ZNF106: variants seen among roughly 807,000 people sequenced by gnomAD.
ZNF106 encodes zinc finger protein 106.
A neutral mutation model predicts 195.1 loss-of-function variants in ZNF106; 67 were observed. The ratio of observed to expected loss-of-function variants is 0.34; its 90% CI spans 0.28 to 0.42. ZNF106 has a LOEUF of 0.42. Ranked by LOEUF, ZNF106 falls within the 10% of genes least tolerant of loss-of-function variation. ZNF106 has a pLI of 1.00. For synonymous variants in ZNF106, 784 were observed against 818.6 expected, an observed-to-expected ratio of 0.96 and a Z score of 0.72; for missense variants, 2,118 against 2,304.5, an observed-to-expected ratio of 0.92 and a Z score of 1.66.
chr15:42,435,535 G>A lies in ZNF106; in HGVS notation c.4747-17C>T. Reference sequence around the variant, plus strand: ...TTTCCGACTCTAAAGTTTAAGCACAGACCAGATTATTACTTATGAGATATA... The same window carrying A: ...TTTCCGACTCTAAAGTTTAAGCACAAACCAGATTATTACTTATGAGATATA... On this transcript the variant is annotated splice_polypyrimidine_tract_variant and intron_variant, in intron 13 of 21. Transcript: ENST00000564754. The A allele has an allele frequency of 1.2e-6, 2 of 1,614,006 alleles. No homozygotes were observed. The highest frequency in any genetic ancestry group is 1.7e-6 in the Non-Finnish European group (2 of 1,179,930).
intron 1 of ZNF106, among the ~76,000 whole-genome samples, chr15:42,473,950 T>G (rs2056731772): frequency 6.6e-6 from 1 of 152,158 alleles, no homozygotes; most frequent in African/African-American, 2.4e-5. Flanking sequence ...CCAGCCACCG[T>G]GCTGTGAGAA....
intron 15 of ZNF106, 27 bp downstream of exon 15, chr15:42,427,991 T>A (rs1319629852): frequency 1.3e-5 from 21 of 1,583,396 alleles, no homozygotes; most frequent in Non-Finnish European, 1.7e-5. Flanking sequence ...GCATGGGAAG[T>A]AAGCCTTTTC....
chr15:42,421,245 A>C, intron 19 of ZNF106, 113 bp from the exon 20 acceptor site: 11 of 904,060 alleles, frequency 1.2e-5, no homozygotes, highest in African/African-American at 1.6e-5. Flanking sequence ...AAACACCTAA[A>C]TCAAAACCAG....
At chr15:42,477,760 A>G (rs115642923) in intron 1 of ZNF106, among the ~76,000 whole-genome samples, 2,077 of 151,926 alleles carry the variant, frequency 0.014, 57 homozygotes, top group African/African-American at 0.048. Flanking sequence ...CTTGATGGCA[A>G]GCACCTGTAA....
rs949582781 is a variant in ZNF106 at position 42,450,157 on chromosome 15, A to G, written c.2115T>C (p.Ser705=). The G allele has an allele frequency of 6.2e-7, 1 of 1,614,208 alleles. No homozygotes were observed. The highest frequency in any genetic ancestry group is 8.5e-7 in the Non-Finnish European group (1 of 1,180,032). Reference sequence around the variant, plus strand: ...TTTCATAAGATACATGAGATTTAATAGAGTCATCAACCTGTGCATCTTCTA... The same window carrying G: ...TTTCATAAGATACATGAGATTTAATGGAGTCATCAACCTGTGCATCTTCTA... ...TSLEDAQVDD[S]IKSHVSYETE... The change falls in exon 5 of 22, where the codon TCT becomes TCC. Residue 705 remains serine (S), a synonymous_variant. Coordinates refer to ENST00000564754, the MANE Select transcript of ZNF106 (RefSeq NM_001366845.3).
chr15:42,487,170 A>T lies in ZNF106; in HGVS notation c.-33+3810T>A, dbSNP rs1346691014. ...CATCTTTAAAAAAATAAAATAAAAT[A>T]AAATAAAAAAGCTTATAGGGAAAAT... is the stretch of plus-strand genomic sequence containing the variant. On this transcript the variant is annotated intron_variant, in intron 1 of 21. Transcript: ENST00000564754. Among the ~76,000 whole-genome samples the T allele has an allele frequency of 2.0e-5, 3 of 151,884 alleles. No homozygotes were observed. The East Asian group carries it at 5.8e-4, about 29-fold the overall frequency.
chr15:42,467,950 T>C (rs2056560620), intron 2 of ZNF106, among the ~76,000 whole-genome samples: 1 of 152,176 alleles, frequency 6.6e-6, no homozygotes, highest in African/African-American at 2.4e-5. Flanking sequence ...TGTAAGCATT[T>C]GGTGCATTGA....
intron 4 of ZNF106, among the ~76,000 whole-genome samples, chr15:42,456,492 T>C (rs1343539806): frequency 6.6e-6 from 1 of 151,674 alleles, no homozygotes; most frequent in Non-Finnish European, 1.5e-5. Flanking sequence ...CTACTAAAAA[T>C]GCAAAAAAAA....
At chr15:42,431,443 AGTAC>A (rs1356719542) in intron 14 of ZNF106, among the ~76,000 whole-genome samples, 1 of 144,416 alleles carries the variant, frequency 6.9e-6, no homozygotes, top group Non-Finnish European at 1.5e-5. Flanking sequence ...CCCAGGCTGG[AGTAC>A]AGTGGTGCAA....
chr15:42,456,887 C>G, intron 4 of ZNF106, 71 bp downstream of exon 4: 1 of 1,427,844 alleles, frequency 7.0e-7, no homozygotes, highest in Non-Finnish European at 9.6e-7. Flanking sequence ...CTGACCAGTA[C>G]AAAGATATAA....
rs140464950 is a variant in ZNF106, at chr15:42,448,172, G to T, written c.3035C>A (p.Ala1012Glu). Residue 1012 changes from alanine (A) to glutamate (E), a missense_variant, in exon 6 of 22, where the codon GCG becomes GAG. Physicochemically the swap from Ala to Glu is moderately radical, Grantham distance 107. Coordinates refer to ENST00000564754, the MANE Select transcript of ZNF106 (RefSeq NM_001366845.3). ...GGCTGCATCCGCTAAACTGGAGATC[G>T]CAAGGGCTGAGGATGCGCTTGATGA... ...CLSSSASSALAISSLADAATD... is the reference protein window; with the variant it reads ...CLSSSASSALEISSLADAATD... 1 of 1,613,992 alleles carries T rather than the reference G, an allele frequency of 6.2e-7. No individual in the cohort carries two copies. The highest frequency in any genetic ancestry group is 1.3e-5 in the African/African-American group (1 of 74,908).
chr15:42,451,251 G>A lies in ZNF106; in HGVS notation c.1021C>T (p.Gln341Ter), dbSNP rs867602449. The A allele has an allele frequency of 6.2e-7, 1 of 1,614,146 alleles. No homozygotes were observed. The highest frequency in any genetic ancestry group is 8.5e-7 in the Non-Finnish European group (1 of 1,180,028). ...TGTTTAGTGGTTTGGCTTTCCAGCT[G>A]CTCAAAATTGAAGTCGAGTAAGCCT... ...SEGLLDFNFE[Q>*]LESQTTKQAD... Residue 341 changes from glutamine (Q) to a stop codon, truncating the protein, a stop_gained, in exon 5 of 22, where the codon CAG becomes TAG. Coordinates refer to ENST00000564754, the MANE Select transcript of ZNF106 (RefSeq NM_001366845.3). LOFTEE classifies it high-confidence loss of function.
At chr15:42,452,199 A>T (rs74806955) in intron 4 of ZNF106, among the ~76,000 whole-genome samples, 2,435 of 152,242 alleles carry the variant, frequency 0.016, 40 homozygotes, top group African/African-American at 0.041. Context: ...AATTACAACC[A>T]TCTCCCCCAT....
Position 42,450,276 on chromosome 15 carries a change from A to C in ZNF106, c.1996T>G (p.Cys666Gly). Residue 666 changes from cysteine (C) to glycine (G), a missense_variant, in exon 5 of 22, where the codon TGT becomes GGT. Cys to Gly is a radical substitution (Grantham distance 159, BLOSUM62 -3). Transcript: ENST00000564754. The part of the protein sequence containing the change: ...KTSRELSTSP[C>G]NPIVRQKESE... ...TCTTTCTGGCGAACTATGGGATTAC[A>C]TGGGGAAGTGGATAGCTCTCTAGAA... The C allele has an allele frequency of 6.2e-7, 1 of 1,614,146 alleles. No homozygotes were observed. Among genetic ancestry groups the C allele is most frequent in the Non-Finnish European group, 8.5e-7 (1 of 1,180,024 alleles).
Position 42,424,071 on chromosome 15 carries a change from AAATT to A in ZNF106, c.5191-15_5191-12del. 6.2e-7 allele frequency: 1 copy of A among 1,610,946 alleles called. No individual in the cohort carries two copies. The stretch of plus-strand genomic sequence containing the variant: ...GAGATCATTCACCACCTTAAAGAAA[AAATT>A]AAACAAGTCAGATTCTGTATACGGT... On this transcript the variant is annotated splice_polypyrimidine_tract_variant and intron_variant, in intron 16 of 21. Coordinates refer to ENST00000564754, the MANE Select transcript of ZNF106 (RefSeq NM_001366845.3).
At chr15:42,462,512 C>T (rs1460510455) in intron 3 of ZNF106, among the ~76,000 whole-genome samples, 1 of 152,044 alleles carries the variant, frequency 6.6e-6, no homozygotes, top group Non-Finnish European at 1.5e-5. Flanking sequence ...GCAGGAGAAT[C>T]GCTTGAACCA....
chr15:42,476,834 A>T (rs1460891713), intron 1 of ZNF106, among the ~76,000 whole-genome samples: 2 of 152,174 alleles, frequency 1.3e-5, no homozygotes, highest in Admixed American at 6.5e-5. Context: ...GGTCAACTGT[A>T]TACTTTCTCT....
Position 42,416,757 on chromosome 15 carries a change from A to G in ZNF106, c.*547T>C, listed in dbSNP as rs2141246257. On this transcript the variant is annotated 3_prime_UTR_variant, in exon 22 of 22. Coordinates refer to ENST00000564754, the MANE Select transcript of ZNF106 (RefSeq NM_001366845.3). ...CACTTAAAGCCAGCTCTATCTATAA[A>G]GCAAGAAAACAGTGACACACACTGC... is the stretch of plus-strand genomic sequence containing the variant. 1 of 152,420 alleles carries G rather than the reference A, an allele frequency of 6.6e-6. No homozygotes were observed. 9.4% of individuals were successfully genotyped at this position (152,420 alleles called of 1,614,324 possible).
At chr15:42,488,070 T>A (rs1244875188) in intron 1 of ZNF106, among the ~76,000 whole-genome samples, 2 of 152,236 alleles carry the variant, frequency 1.3e-5, no homozygotes, top group Admixed American at 1.3e-4. Context: ...TAACTTCATT[T>A]ATGTGGATGC....
Sources: allele counts gnomAD v4.1 joint callset (sites outside exome capture counted in the v4.1 genomes callset), GRCh38; gene constraint gnomAD v4.1.1; transcripts MANE v1.5; gene names NCBI Gene and HGNC (gene_info 2026-07-23, HGNC 2026-07-21).